Variants in PIK3CB observed in about 807,000 individuals in gnomAD.
PIK3CB encodes phosphatidylinositol-4,5-bisphosphate 3-kinase catalytic subunit beta, also known as phosphatidylinositol 4,5-bisphosphate 3-kinase catalytic subunit beta isoform.
A neutral mutation model predicts 136.8 loss-of-function variants in PIK3CB; 39 were observed. The ratio of observed to expected loss-of-function variants is 0.29; its 90% CI spans 0.22 to 0.37. The LOEUF is 0.37. Ranked by LOEUF, PIK3CB falls within the 10% of genes least tolerant of loss-of-function variation. The pLI, the probability that PIK3CB is intolerant of heterozygous loss-of-function variation, is 1.00. For missense variants in PIK3CB, 868 were observed against 1,275.4 expected, an observed-to-expected ratio of 0.68 and a Z score of 4.87; for synonymous variants, 428 against 436.6, an observed-to-expected ratio of 0.98 and a Z score of 0.25.
intron 5 of PIK3CB, among the ~76,000 whole-genome samples, chr3:138,741,026 T>C (rs1032782983): frequency 2.0e-5 from 3 of 152,206 alleles, no homozygotes; most frequent in South Asian, 2.1e-4. Flanking sequence ...TTAAACAGTA[T>C]TGTAAATTTG....
At chr3:138,785,160 C>T (rs923025761) in intron 2 of PIK3CB, among the ~76,000 whole-genome samples, 2 of 151,148 alleles carry the variant, frequency 1.3e-5, no homozygotes, top group African/African-American at 4.9e-5. Flanking sequence ...GCAGCCCCCG[C>T]CCGGTCAGCC....
chr3:138,743,579 C>G (rs576792392), intron 4 of PIK3CB, among the ~76,000 whole-genome samples: 2 of 151,352 alleles, frequency 1.3e-5, no homozygotes, highest in African/African-American at 2.4e-5. Flanking sequence ...CATTCATTCA[C>G]TGAGACAGAA....
chr3:138,749,750 A>G (rs1187855560), intron 4 of PIK3CB, among the ~76,000 whole-genome samples: 2 of 152,300 alleles, frequency 1.3e-5, no homozygotes, highest in African/African-American at 4.8e-5. Flanking sequence ...GTGTAGGTAT[A>G]CATCTTCTAA....
At chr3:138,697,196 C>A (rs538729659) in intron 13 of PIK3CB, among the ~76,000 whole-genome samples, 8 of 152,204 alleles carry the variant, frequency 5.3e-5, no homozygotes, top group African/African-American at 1.9e-4. Flanking sequence ...CCAAAAGAAA[C>A]AGGCAAATGT....
chr3:138,675,824 C>A (rs191328336), intron 19 of PIK3CB, among the ~76,000 whole-genome samples: 123 of 152,226 alleles, frequency 8.1e-4, no homozygotes, highest in Admixed American at 2.1e-3. Flanking sequence ...CAAAACTATA[C>A]ATAGGGACAG....
At chr3:138,784,664 C>G (rs992300357) in intron 2 of PIK3CB, among the ~76,000 whole-genome samples, 1 of 152,178 alleles carries the variant, frequency 6.6e-6, no homozygotes, top group East Asian at 1.9e-4. Context: ...CTCCTGACCG[C>G]GAGTGATCTG....
At chr3:138,737,662 T>C (rs2045141001) in intron 6 of PIK3CB, 45 bp downstream of exon 6, 1 of 741,502 alleles carries the variant, frequency 1.3e-6, no homozygotes, top group African/African-American at 1.9e-5. Context: ...TATATATATA[T>C]ATACTCATAG....
chr3:138,825,939 C>T (rs539880936), intron 1 of PIK3CB: 1 of 1,557,408 alleles, frequency 6.4e-7, no homozygotes, highest in South Asian at 1.3e-5. Context: ...AAAAATGACC[C>T]ACCAATGGAA....
intron 5 of PIK3CB, among the ~76,000 whole-genome samples, chr3:138,738,536 A>G (rs1381140635): frequency 1.4e-5 from 2 of 145,560 alleles, no homozygotes; most frequent in Non-Finnish European, 3.0e-5. Flanking sequence ...TGGTAAGAAG[A>G]CAGCCATACT....
chr3:138,745,504 G>C (rs1158663511), intron 4 of PIK3CB, among the ~76,000 whole-genome samples: 1 of 152,076 alleles, frequency 6.6e-6, no homozygotes, highest in Middle Eastern at 3.2e-3. Flanking sequence ...ATGGTGGTGT[G>C]TGCCTGTAAT....
intron 4 of PIK3CB, among the ~76,000 whole-genome samples, chr3:138,747,943 A>C (rs2045394191): frequency 6.6e-6 from 1 of 152,204 alleles, no homozygotes; most frequent in African/African-American, 2.4e-5. Context: ...ATTCCAGTAA[A>C]TAATTTTAGA....
intron 19 of PIK3CB, among the ~76,000 whole-genome samples, chr3:138,669,007 G>A (rs755634028): frequency 4.6e-5 from 7 of 152,166 alleles, no homozygotes; most frequent in Non-Finnish European, 7.3e-5. Flanking sequence ...GGCTTCCAAA[G>A]GAGAAAAGTT....
intron 1 of PIK3CB, among the ~76,000 whole-genome samples, chr3:138,824,099 T>C (rs1334234093): frequency 6.6e-6 from 1 of 152,202 alleles, no homozygotes; most frequent in Non-Finnish European, 1.5e-5. Context: ...TATTATAAAT[T>C]AGTTATTAGA....
rs2044187199 is a variant in PIK3CB, at chr3:138,698,699, GT to G, written c.1770+207del. On this transcript the variant is annotated intron_variant, in intron 13 of 23. Coordinates refer to ENST00000674063, the MANE Select transcript of PIK3CB (RefSeq NM_006219.3). ...ATGTTTCAATTGTATTTGGTGAAAG[GT>G]ATGGCAATCCTACCCAAAATCTGAG... Among the ~76,000 whole-genome samples, 4 of 152,244 alleles carry G rather than the reference GT, an allele frequency of 2.6e-5. No homozygotes were observed. In the South Asian group the frequency reaches 8.3e-4, roughly 32 times the overall value.
intron 19 of PIK3CB, among the ~76,000 whole-genome samples, chr3:138,671,420 T>C (rs1315762653): frequency 6.6e-6 from 1 of 152,188 alleles, no homozygotes; most frequent in East Asian, 1.9e-4. Context: ...TCCAGCAACC[T>C]TGTAGACTAA....
At chr3:138,743,587 G>T (rs2045287819) in intron 4 of PIK3CB, among the ~76,000 whole-genome samples, 1 of 152,116 alleles carries the variant, frequency 6.6e-6, no homozygotes, top group African/African-American at 2.4e-5. Context: ...CACTGAGACA[G>T]AATCTTGCTC....
chr3:138,832,625 G>A (rs550151949), intron 1 of PIK3CB, among the ~76,000 whole-genome samples: 1 of 151,956 alleles, frequency 6.6e-6, no homozygotes, highest in African/African-American at 2.4e-5. Context: ...TTGGGAGTCC[G>A]AGACCACCCT....
At chr3:138,728,852 C>T (rs982986382) in intron 8 of PIK3CB, among the ~76,000 whole-genome samples, 8 of 151,360 alleles carry the variant, frequency 5.3e-5, no homozygotes, top group African/African-American at 1.7e-4. Context: ...AAGTGATTAA[C>T]TTTTTCTTAA....
At chr3:138,664,069 G>C in intron 20 of PIK3CB, 40 bp from the exon 21 acceptor site, 1 of 1,606,458 alleles carries the variant, frequency 6.2e-7, no homozygotes, top group Non-Finnish European at 8.5e-7. Context: ...AAGGTTTTCA[G>C]CCTCCAAGCG....
Sources: gnomAD v4.1 joint callset for allele counts (sites outside exome capture counted in the v4.1 genomes callset) on GRCh38, gnomAD v4.1.1 for gene constraint, MANE v1.5 for transcripts, NCBI Gene and HGNC (gene_info 2026-07-23, HGNC 2026-07-21) for gene names.